Variants in TAF5L observed in about 807,000 individuals in gnomAD.
The protein encoded by TAF5L is TATA-box binding protein associated factor 5 like.
TAF5L carries 7 observed loss-of-function variants against 51.3 expected under a neutral mutation model. The observed-to-expected ratio is 0.14, with a 90% confidence interval of 0.08 to 0.26. The LOEUF is 0.26. Ranked by LOEUF, TAF5L falls within the 10% of genes least tolerant of loss-of-function variation. The probability of loss-of-function intolerance (pLI) is 1.00; values close to 1 mark genes in which losing one functional copy is unlikely to be tolerated. For synonymous variants in TAF5L, 291 were observed against 308.1 expected, an observed-to-expected ratio of 0.94 and a Z score of 0.58; for missense variants, 575 against 758.9, an observed-to-expected ratio of 0.76 and a Z score of 2.85.
intron 1 of TAF5L, among the ~76,000 whole-genome samples, chr1:229,615,855 C>G (rs1250337919): frequency 1.3e-5 from 2 of 152,186 alleles, no homozygotes; most frequent in African/African-American, 4.8e-5. Context: ...TACGCATACA[C>G]ACACAATCAT....
chr1:229,598,707 CT>C (rs1227730003), intron 4 of TAF5L, among the ~76,000 whole-genome samples: 6 of 97,018 alleles, frequency 6.2e-5, no homozygotes, highest in Non-Finnish European at 1.1e-4. Context: ...TTTTTTTTTT[CT>C]TTTTTTTTGA....
intron 3 of TAF5L, among the ~76,000 whole-genome samples, chr1:229,604,108 T>C (rs1158896370): frequency 1.3e-5 from 2 of 152,164 alleles, no homozygotes; most frequent in African/African-American, 4.8e-5. Flanking sequence ...TCTAGTGTAA[T>C]GTTTGTACAT....
At position 229,602,165 on chromosome 1, in the gene TAF5L, G is replaced by C. The variant is rs1664400016; in HGVS notation, c.972+30C>G. On this transcript the variant is annotated intron_variant, in intron 4 of 4. Transcript: ENST00000258281. This position sits in a 1 kb window ranked among gnomAD's most constrained non-coding sequence, Gnocchi z 4.6. ...CATTCTAAGGAAATTAGGAAGGCGG[G>C]TGCAGGGAAGAAAAAAATGGTATTC... 2.5e-6 allele frequency: 4 copies of C among 1,596,728 alleles called. No homozygotes were observed. Among genetic ancestry groups the C allele is most frequent in the Non-Finnish European group, 3.4e-6 (4 of 1,169,644 alleles).
chr1:229,615,685 A>G (rs1453627718), intron 1 of TAF5L, among the ~76,000 whole-genome samples: 4 of 152,138 alleles, frequency 2.6e-5, no homozygotes, highest in Non-Finnish European at 5.9e-5. Context: ...AGGAACCCCT[A>G]GTATTGCCAT....
At position 229,602,470 on chromosome 1, in the gene TAF5L, G is replaced by C. The variant is rs1270859777; in HGVS notation, c.697C>G (p.Leu233Val). 6.2e-7 allele frequency: 1 copy of C among 1,614,052 alleles called. No homozygotes were observed. The highest frequency in any genetic ancestry group is 1.3e-5 in the African/African-American group (1 of 74,920). Reference sequence around the variant, plus strand: ...ACCTCTAGGGCAGCCTCGTTCTGCAGAATAGGGCTGGGCATGTCGGGGGGC... The same window carrying C: ...ACCTCTAGGGCAGCCTCGTTCTGCACAATAGGGCTGGGCATGTCGGGGGGC... The change falls in exon 4 of 5, where the codon CTG becomes GTG. Residue 233 changes from leucine to valine, a missense_variant. Leu to Val is a conservative substitution (Grantham distance 32). Transcript: ENST00000258281. This position sits in a 1 kb window ranked among gnomAD's most constrained non-coding sequence, Gnocchi z 4.6.
At chr1:229,614,220 G>A in intron 2 of TAF5L, 121 bp downstream of exon 2, 1 of 1,556,532 alleles carries the variant, frequency 6.4e-7, no homozygotes, top group Non-Finnish European at 8.8e-7. Context: ...GCTCACTGAG[G>A]TTTTTGGTCA....
At position 229,594,184 on chromosome 1, in the gene TAF5L, G is replaced by A; in HGVS notation, c.*113C>T. ...ACCTGCCCGGAATGAGGGCCCAGGAGAGAGGGGAGGAGGGGGCTCTTTCAC... is the reference window on the plus strand; with the variant it reads ...ACCTGCCCGGAATGAGGGCCCAGGAAAGAGGGGAGGAGGGGGCTCTTTCAC... On this transcript the variant is annotated 3_prime_UTR_variant, in exon 5 of 5. Coordinates refer to ENST00000258281, the Ensembl canonical transcript of TAF5L. This position sits in a 1 kb window ranked among gnomAD's most constrained non-coding sequence, Gnocchi z 7.9. 3 of 1,238,738 alleles carry A rather than the reference G, an allele frequency of 2.4e-6. No homozygotes were observed. Among genetic ancestry groups the A allele is most frequent in the Non-Finnish European group, 1.1e-6 (1 of 899,234 alleles). The allele number at this position is 1,238,738 out of a possible 1,614,324, so 76.7% of individuals were successfully genotyped here. A position where few individuals can be genotyped will look rare whatever the true frequency, so the allele number is the denominator to read the frequency against.
chr1:229,621,499 A>G (rs1665201275), intron 1 of TAF5L, among the ~76,000 whole-genome samples: 1 of 152,224 alleles, frequency 6.6e-6, no homozygotes, highest in Non-Finnish European at 1.5e-5. Flanking sequence ...AAACACTGAC[A>G]ATATACAACA....
At chr1:229,604,172 C>CCTT (rs1328961690) in intron 3 of TAF5L, among the ~76,000 whole-genome samples, 1 of 104,420 alleles carries the variant, frequency 9.6e-6, no homozygotes, top group Non-Finnish European at 2.1e-5. Flanking sequence ...GTTCTGGTAG[C>CCTT]ATTTTTTTTT....
In TAF5L at chr1:229,606,089, G is replaced by A. The variant is rs1213395771; in HGVS notation, c.248-3170C>T. On this transcript the variant is annotated intron_variant, in intron 3 of 4. Coordinates refer to ENST00000258281, the Ensembl canonical transcript of TAF5L. Reference sequence around the variant, plus strand: ...GTTTAGAAAAAAACCTAGCTATCAAGAAATAGTGATGTACTACTTTAAAAC... The same window carrying A: ...GTTTAGAAAAAAACCTAGCTATCAAAAAATAGTGATGTACTACTTTAAAAC... The A allele has an allele frequency of 3.1e-6, 3 of 966,004 alleles. No homozygotes were observed. In the African/African-American group the frequency reaches 5.3e-5, roughly 17 times the overall value. The allele number at this position is 966,004 out of a possible 1,614,324, so 59.8% of individuals were successfully genotyped here.
chr1:229,616,356 G>A (rs983898387), intron 1 of TAF5L, among the ~76,000 whole-genome samples: 10 of 122,496 alleles, frequency 8.2e-5, no homozygotes, highest in Non-Finnish European at 1.9e-4. Context: ...TTTTCCGGAA[G>A]TCTATTTATT....
chr1:229,621,004 C>T (rs1665182772), intron 1 of TAF5L, among the ~76,000 whole-genome samples: 1 of 151,652 alleles, frequency 6.6e-6, no homozygotes, highest in Non-Finnish European at 1.5e-5. Context: ...ATGGAATGAT[C>T]TTCAATTTTT....
At chr1:229,621,276 A>C (rs541652104) in intron 1 of TAF5L, among the ~76,000 whole-genome samples, 1 of 152,370 alleles carries the variant, frequency 6.6e-6, no homozygotes, top group African/African-American at 2.4e-5. Context: ...TGGCTTAAAA[A>C]AGTTAATTCA....
chr1:229,622,100 T>G (rs1444916036), intron 1 of TAF5L, among the ~76,000 whole-genome samples: 2 of 152,168 alleles, frequency 1.3e-5, no homozygotes, highest in Non-Finnish European at 2.9e-5. Context: ...TACAGATATG[T>G]GTGTGTATAT....
At chr1:229,598,979 G>A (rs1664258744) in intron 4 of TAF5L, among the ~76,000 whole-genome samples, 1 of 152,142 alleles carries the variant, frequency 6.6e-6, no homozygotes, top group South Asian at 2.1e-4. Context: ...TTACAGGCGT[G>A]AGCCACCGCA....
chr1:229,613,744 C>T (rs1664873698), intron 2 of TAF5L, among the ~76,000 whole-genome samples: 1 of 152,100 alleles, frequency 6.6e-6, no homozygotes, highest in Non-Finnish European at 1.5e-5. Context: ...GTCCTGGAAC[C>T]AATCCTTTAT....
chr1:229,593,761 T>A (rs1207107190), exon 5 of TAF5L: 1 of 151,588 alleles, frequency 6.6e-6, no homozygotes, highest in East Asian at 1.9e-4. Flanking sequence ...TAATTATAAT[T>A]ATAATAACAA....
chr1:229,606,163 T>C (rs1408187924), intron 3 of TAF5L: 8 of 985,320 alleles, frequency 8.1e-6, no homozygotes, highest in African/African-American at 1.7e-5. Context: ...AATTGCTTAA[T>C]TGCTCTCTCT....
At chr1:229,614,682 G>T (rs1340899130) in intron 1 of TAF5L, among the ~76,000 whole-genome samples, 197 bp from the exon 2 acceptor site, 1 of 152,150 alleles carries the variant, frequency 6.6e-6, no homozygotes, top group East Asian at 1.9e-4. Flanking sequence ...TTTCTCCAAT[G>T]ACAATACAGC....
Sources: gnomAD v4.1 joint callset for allele counts (sites outside exome capture counted in the v4.1 genomes callset) on GRCh38, gnomAD v4.1.1 for gene constraint, Gnocchi (gnomAD v3.1) non-coding constraint, MANE v1.5 for transcripts, NCBI Gene and HGNC (gene_info 2026-07-23, HGNC 2026-07-21) for gene names.